C12orf56: variants seen among roughly 807,000 people sequenced by gnomAD.
The protein encoded by C12orf56 is uncharacterized protein C12orf56.
C12orf56 carries 71 observed loss-of-function variants against 69.9 expected under a neutral mutation model. The ratio of observed to expected loss-of-function variants is 1.02; its 90% CI spans 0.84 to 1.24. C12orf56 has a LOEUF of 1.24. C12orf56 is among the 50% of genes most tolerant of loss of function. The pLI, the probability that C12orf56 is intolerant of heterozygous loss-of-function variation, is 0.00. For missense variants in C12orf56, 732 were observed against 738.5 expected (o/e 0.99, Z 0.10); for synonymous variants, 276 against 274.1 (o/e 1.01, Z -0.07).
intron 1 of C12orf56, among the ~76,000 whole-genome samples, chr12:64,361,807 A>G (rs1302158977): frequency 2.0e-5 from 3 of 151,644 alleles, no homozygotes; most frequent in Non-Finnish European, 4.4e-5. Context: ...ATCTCGGCTC[A>G]CCGCAACCTC....
intron 1 of C12orf56, among the ~76,000 whole-genome samples, chr12:64,371,901 T>A: frequency 7.3e-6 from 1 of 136,388 alleles, no homozygotes; most frequent in Non-Finnish European, 1.5e-5. Context: ...TGGCAATGAT[T>A]TCTTTTTTTT....
Position 64,331,127 on chromosome 12 carries a change from A to G in C12orf56, c.416-95T>C. 3.7e-6 allele frequency: 4 copies of G among 1,080,404 alleles called. 1 individual carries two copies. In the South Asian group the frequency reaches 4.8e-5, roughly 13 times the overall value. 66.9% of individuals were successfully genotyped at this position (1,080,404 alleles called of 1,614,324 possible). The stretch of plus-strand genomic sequence containing the variant: ...TCATGTACTGATTAAATGACTGTTC[A>G]TAAATCCTCACAAAAATTGTAAGTC... On this transcript the variant is annotated intron_variant, in intron 2 of 12. Transcript: ENST00000543942.
chr12:64,368,284 A>G (rs2039525557), intron 1 of C12orf56, among the ~76,000 whole-genome samples: 1 of 152,120 alleles, frequency 6.6e-6, no homozygotes, highest in African/African-American at 2.4e-5. Flanking sequence ...GAGAGACTGT[A>G]CTACACAAAC....
intron 8 of C12orf56, among the ~76,000 whole-genome samples, chr12:64,282,909 C>T (rs1048408378): frequency 3.3e-5 from 5 of 151,618 alleles, no homozygotes; most frequent in South Asian, 2.1e-4. Flanking sequence ...TTTGGGAGGC[C>T]GAAGCAGGCG....
At chr12:64,351,852 A>G (rs2039226261) in intron 2 of C12orf56, among the ~76,000 whole-genome samples, 1 of 139,218 alleles carries the variant, frequency 7.2e-6, no homozygotes, top group Non-Finnish European at 1.5e-5. Context: ...TGCAACCAGA[A>G]ACCCTGGGAC....
intron 1 of C12orf56, among the ~76,000 whole-genome samples, chr12:64,383,765 A>C (rs1280249412): frequency 6.6e-6 from 1 of 152,174 alleles, no homozygotes; most frequent in Non-Finnish European, 1.5e-5. Flanking sequence ...CACAACTATA[A>C]ATCAACCAAA....
intron 8 of C12orf56, among the ~76,000 whole-genome samples, chr12:64,282,139 T>G (rs1436112996): frequency 6.6e-6 from 1 of 152,182 alleles, no homozygotes; most frequent in Non-Finnish European, 1.5e-5. Context: ...GAAGATCACT[T>G]AAGTCCAGGA....
chr12:64,374,946 CT>C (rs1421737236), intron 1 of C12orf56, among the ~76,000 whole-genome samples: 33 of 152,158 alleles, frequency 2.2e-4, no homozygotes, highest in African/African-American at 8.0e-4. Flanking sequence ...TTGAAATTTG[CT>C]GTTTGATATT....
chr12:64,313,440 C>T (rs1401284006), intron 4 of C12orf56, among the ~76,000 whole-genome samples: 1 of 151,008 alleles, frequency 6.6e-6, no homozygotes, highest in Non-Finnish European at 1.5e-5. Flanking sequence ...TCAGCTACTT[C>T]GGAGGCTGAG....
In C12orf56 at chr12:64,338,362, T is replaced by C. The variant is rs114633706; in HGVS notation, c.416-7330A>G. The C allele has an allele frequency of 1.7e-3, 1,070 of 645,408 alleles. 16 individuals carry two copies. The African/African-American group carries it at 0.018, about 11-fold the overall frequency. 40.0% of individuals were successfully genotyped at this position (645,408 alleles called of 1,614,324 possible). A position where few individuals can be genotyped will look rare whatever the true frequency, so the allele number is the denominator to read the frequency against. ...AGACATAGCTGGTGGAGTTGAGATA[T>C]ATAATGGGGACCTCCTGGTCAATTT... On this transcript the variant is annotated intron_variant, in intron 2 of 12. Transcript: ENST00000543942.
chr12:64,308,929 A>AAAG (rs1478558993), intron 5 of C12orf56, among the ~76,000 whole-genome samples: 1,907 of 45,204 alleles, frequency 0.042, 18 homozygotes, highest in East Asian at 0.08. Context: ...AGAAAGAAAG[A>AAAG]AAGAAAGAAA....
intron 3 of C12orf56, among the ~76,000 whole-genome samples, chr12:64,324,602 G>A (rs2038815214): frequency 6.6e-6 from 1 of 152,204 alleles, no homozygotes; most frequent in African/African-American, 2.4e-5. Context: ...AGGTGAAGCT[G>A]GAGCGGTAGG....
chr12:64,377,677 G>GA (rs1404377082), intron 1 of C12orf56, among the ~76,000 whole-genome samples: 3 of 151,794 alleles, frequency 2.0e-5, no homozygotes, highest in South Asian at 4.2e-4. Context: ...TAATTTCAGA[G>GA]AAAAAAAGAC....
chr12:64,386,907 T>C (rs957558016), intron 1 of C12orf56, among the ~76,000 whole-genome samples: 7 of 143,350 alleles, frequency 4.9e-5, no homozygotes, highest in African/African-American at 1.7e-4. Flanking sequence ...GGCGACACCC[T>C]GTCTCTACTA....
chr12:64,364,232 G>A (rs962747280), intron 1 of C12orf56, among the ~76,000 whole-genome samples: 7 of 151,888 alleles, frequency 4.6e-5, no homozygotes, highest in African/African-American at 1.2e-4. Flanking sequence ...GCAGTGAGCC[G>A]AGACTGAGCT....
chr12:64,345,408 T>C (rs2039127253), intron 2 of C12orf56, among the ~76,000 whole-genome samples: 1 of 152,142 alleles, frequency 6.6e-6, no homozygotes, highest in Non-Finnish European at 1.5e-5. Context: ...GGGAAGCTGT[T>C]TCTTCTGGCA....
intron 2 of C12orf56, among the ~76,000 whole-genome samples, chr12:64,342,147 C>A (rs1398260881): frequency 6.6e-6 from 1 of 152,226 alleles, no homozygotes; most frequent in Non-Finnish European, 1.5e-5. Context: ...CCCCAAATTT[C>A]TTTGTCACCA....
intron 1 of C12orf56, among the ~76,000 whole-genome samples, chr12:64,354,492 T>C (rs990162024): frequency 3.3e-5 from 5 of 151,978 alleles, no homozygotes; most frequent in Non-Finnish European, 7.4e-5. Flanking sequence ...AGTCTTGCTC[T>C]TGTTGCCCAT....
chr12:64,319,029 A>G (rs2038733291), intron 3 of C12orf56, 49 bp from the exon 4 acceptor site: 4 of 1,400,228 alleles, frequency 2.9e-6, no homozygotes, highest in Non-Finnish European at 2.8e-6. Flanking sequence ...ATTTCACAGT[A>G]AGCAACAAAG....
Sources: allele counts gnomAD v4.1 joint callset (sites outside exome capture counted in the v4.1 genomes callset), GRCh38; gene constraint gnomAD v4.1.1; transcripts MANE v1.5; gene names NCBI Gene and HGNC (gene_info 2026-07-23, HGNC 2026-07-21).